The following PAX2 variants were observed in gnomAD, a reference collection of about 807,000 sequenced individuals.
PAX2 encodes the protein paired box 2.
A neutral mutation model predicts 41.7 loss-of-function variants in PAX2; 9 were observed. The observed-to-expected ratio is 0.22, with a 90% CI of 0.13 to 0.38. The LOEUF is 0.38. Ranked by LOEUF, PAX2 falls within the 10% of genes least tolerant of loss-of-function variation. The pLI is 1.00. For synonymous variants in PAX2, 221 were observed against 212.7 expected (o/e 1.04, Z -0.34); for missense variants, 418 against 531.6 (o/e 0.79, Z 2.10).
intron 5 of PAX2, among the ~76,000 whole-genome samples, chr10:100,803,038 G>A (rs1023473746): frequency 2.6e-5 from 4 of 152,076 alleles, no homozygotes; most frequent in African/African-American, 9.7e-5. Flanking sequence ...CCTCTAGGTG[G>A]TCAGCACTGA....
intron 1 of PAX2, chr10:100,749,378 C>T: frequency 9.3e-7 from 1 of 1,077,536 alleles, no homozygotes; most frequent in South Asian, 3.7e-5. Context: ...GTCCAGTCCT[C>T]TGCCAGGCCC....
intron 7 of PAX2, among the ~76,000 whole-genome samples, chr10:100,820,447 G>T (rs1198250348): frequency 1.3e-5 from 2 of 152,126 alleles, no homozygotes; most frequent in Non-Finnish European, 2.9e-5. Context: ...GGCCAGGCGC[G>T]GTGGCTTATG....
intron 1 of PAX2, chr10:100,749,443 T>G: frequency 1.6e-6 from 2 of 1,223,516 alleles, no homozygotes; most frequent in East Asian, 3.6e-5. Flanking sequence ...CCCTTTGGCA[T>G]TTTCTCCCCT....
At chr10:100,822,022 G>A (rs1461390752) in intron 7 of PAX2, among the ~76,000 whole-genome samples, 1 of 151,890 alleles carries the variant, frequency 6.6e-6, no homozygotes, top group Non-Finnish European at 1.5e-5. Context: ...TCTACTTCAG[G>A]TCCACTCCAC....
chr10:100,768,274 T>C (rs1846090980), intron 3 of PAX2, among the ~76,000 whole-genome samples: 1 of 152,148 alleles, frequency 6.6e-6, no homozygotes, highest in African/African-American at 2.4e-5. Flanking sequence ...GACCTGAATA[T>C]AAAGATAAAC....
intron 5 of PAX2, among the ~76,000 whole-genome samples, chr10:100,802,889 G>C (rs957975268): frequency 6.6e-6 from 1 of 152,046 alleles, no homozygotes; most frequent in Admixed American, 6.5e-5. Context: ...TTCCACCTCT[G>C]TTTCAGCCCA....
At position 100,749,832 on chromosome 10, in the gene PAX2, C is replaced by T. The variant is rs760333896; in HGVS notation, c.130C>T (p.Leu44=). Residue 44 remains leucine, a synonymous_variant, in exon 2 of 10, where the codon CTG becomes TTG. Transcript: ENST00000355243. ...PDVVRQRIVE[L]AHQGVRPCDI... ...CGTGGTGAGGCAGCGCATCGTGGAG[C>T]TGGCCCACCAGGGTGTGCGGCCCTG... 12 of 1,611,678 alleles carry T rather than the reference C, an allele frequency of 7.4e-6. No homozygotes were observed. The highest frequency in any genetic ancestry group is 9.3e-6 in the Non-Finnish European group (11 of 1,179,068).
At chr10:100,754,297 T>C (rs1845554352) in intron 3 of PAX2, among the ~76,000 whole-genome samples, 2 of 152,166 alleles carry the variant, frequency 1.3e-5, no homozygotes, top group African/African-American at 2.4e-5. Context: ...AGACCCCAAA[T>C]AGAGTCTGGG....
At chr10:100,765,484 C>T (rs1845987620) in intron 3 of PAX2, among the ~76,000 whole-genome samples, 1 of 152,162 alleles carries the variant, frequency 6.6e-6, no homozygotes, top group Non-Finnish European at 1.5e-5. Context: ...TTTCATTATT[C>T]GTCATTTATG....
At chr10:100,812,066 TGG>T (rs1424999726) in intron 7 of PAX2, among the ~76,000 whole-genome samples, 3 of 151,676 alleles carry the variant, frequency 2.0e-5, no homozygotes, top group African/African-American at 4.8e-5. Context: ...GAGGGGAGAG[TGG>T]GGCCCAGTGG....
upstream of PAX2, among the ~76,000 whole-genome samples, chr10:100,741,022 G>A (rs1844933282): frequency 6.6e-6 from 1 of 152,250 alleles, no homozygotes; most frequent in African/African-American, 2.4e-5. Context: ...AGCTTTGGTG[G>A]CCAAGTGGCT....
Position 100,746,177 on chromosome 10 carries a change from C to T in PAX2, c.-84C>T. On this transcript the variant is annotated 5_prime_UTR_variant, in exon 1 of 10. Coordinates refer to ENST00000355243, the MANE Select transcript of PAX2 (RefSeq NM_000278.5). ...TCATCCTCCCTCCCCCACCGTCCCTCCCTTTTCTCCTCAAGTCCTGAAGTT... is the reference window on the plus strand; with the variant it reads ...TCATCCTCCCTCCCCCACCGTCCCTTCCTTTTCTCCTCAAGTCCTGAAGTT... The T allele has an allele frequency of 6.2e-7, 1 of 1,610,202 alleles. No individual in the cohort carries two copies. Among genetic ancestry groups the T allele is most frequent in the Non-Finnish European group, 8.5e-7 (1 of 1,178,206 alleles).
intron 7 of PAX2, among the ~76,000 whole-genome samples, chr10:100,822,297 TA>T (rs944543574): frequency 9.2e-5 from 14 of 152,164 alleles, no homozygotes; most frequent in African/African-American, 1.4e-4. Context: ...TATCAGCCTA[TA>T]AAAAATCATA....
chr10:100,762,936 C>T (rs1439716802), intron 3 of PAX2, among the ~76,000 whole-genome samples: 1 of 152,188 alleles, frequency 6.6e-6, no homozygotes, highest in African/African-American at 2.4e-5. Context: ...ATCAGTTCCT[C>T]CTTGCAGGGA....
At chr10:100,745,038 C>G (rs1845099217), upstream of PAX2, among the ~76,000 whole-genome samples, 1 of 151,368 alleles carries the variant, frequency 6.6e-6, no homozygotes, top group African/African-American at 2.4e-5. Context: ...CGGAAGGGAA[C>G]TCAGAGCCGA....
chr10:100,750,258 T>G lies in PAX2; in HGVS notation c.212+344T>G, dbSNP rs1845386710. Among the ~76,000 whole-genome samples the G allele has an allele frequency of 6.6e-6, 1 of 150,728 alleles. No individual in the cohort carries two copies. Among genetic ancestry groups the G allele is most frequent in the South Asian group, 2.1e-4 (1 of 4,750 alleles). On this transcript the variant is annotated intron_variant, in intron 2 of 9. Transcript: ENST00000355243. The surrounding 1 kb of genome is among the most constrained non-coding windows in gnomAD (Gnocchi z 4.1). The stretch of plus-strand genomic sequence containing the variant: ...GGAATGGGGGGGGAGTGAAAATGGG[T>G]CCCCGAGAGGAGAAGCAGCAGCATT...
intron 5 of PAX2, 145 bp downstream of exon 5, chr10:100,781,510 C>G: frequency 1.1e-6 from 1 of 880,794 alleles, no homozygotes; most frequent in Non-Finnish European, 1.9e-6. Context: ...GCCCTGCTGG[C>G]TCCTGGAGAG....
At chr10:100,820,675 C>A (rs540461191) in intron 7 of PAX2, among the ~76,000 whole-genome samples, 3 of 152,258 alleles carry the variant, frequency 2.0e-5, no homozygotes, top group Non-Finnish European at 4.4e-5. Flanking sequence ...GATCGCACCA[C>A]TGCATTCCAG....
chr10:100,750,036 G>A lies in PAX2; in HGVS notation c.212+122G>A. ...CAAGCCAGAGAGGGAGATCCCCAAA[G>A]GGGTCTGGAGAGGTGCTCCTTTTGG... On this transcript the variant is annotated intron_variant, in intron 2 of 9. Transcript: ENST00000355243. The surrounding 1 kb of genome is among the most constrained non-coding windows in gnomAD (Gnocchi z 4.1). 8.7e-7 allele frequency: 1 copy of A among 1,154,248 alleles called. No individual in the cohort carries two copies. Among genetic ancestry groups the A allele is most frequent in the Non-Finnish European group, 1.2e-6 (1 of 815,310 alleles). 71.5% of individuals were successfully genotyped at this position (1,154,248 alleles called of 1,614,324 possible). A position where few individuals can be genotyped will look rare whatever the true frequency, so the allele number is the denominator to read the frequency against.
Sources: gnomAD v4.1 joint callset for allele counts (sites outside exome capture counted in the v4.1 genomes callset) on GRCh38, gnomAD v4.1.1 for gene constraint, Gnocchi (gnomAD v3.1) non-coding constraint, MANE v1.5 for transcripts, NCBI Gene and HGNC (gene_info 2026-07-23, HGNC 2026-07-21) for gene names.